The following RNH1 variants were observed in gnomAD, a reference collection of about 807,000 sequenced individuals.
The protein encoded by RNH1 is ribonuclease inhibitor.
In RNH1, 38 loss-of-function variants were observed where a neutral mutation model predicts 46.1. The ratio of observed to expected loss-of-function variants is 0.82; its 90% CI spans 0.64 to 1.08. RNH1 has a LOEUF of 1.08. RNH1 is among the 50% of genes least tolerant of loss of function. RNH1 has a pLI of 0.00. For missense variants in RNH1, 577 were observed against 590.7 expected (o/e 0.98, Z 0.24); for synonymous variants, 319 against 279.1 (o/e 1.14, Z -1.43).
intron 2 of RNH1, chr11:504,372 G>T: frequency 6.5e-6 from 1 of 153,076 alleles, no homozygotes; most frequent in South Asian, 1.9e-4. Context: ...AACACGAAGG[G>T]GGTCTCCCCT....
intron 9 of RNH1, among the ~76,000 whole-genome samples, chr11:497,368 C>CTT: frequency 6.9e-6 from 1 of 145,324 alleles, no homozygotes; most frequent in South Asian, 2.2e-4. Context: ...CATGCTCACT[C>CTT]ACCCATGTGC....
intron 4 of RNH1, 126 bp from the exon 5 acceptor site, chr11:500,125 C>T (rs926743133): frequency 6.7e-5 from 78 of 1,171,490 alleles, no homozygotes; most frequent in Non-Finnish European, 8.4e-5. Flanking sequence ...CTTCCCTGGA[C>T]GGGGCTCTGG....
chr11:501,675 A>G lies in RNH1; in HGVS notation c.101+387T>C, dbSNP rs1289106347. On this transcript the variant is annotated intron_variant, in intron 3 of 10. Transcript: ENST00000354420. This position sits in a 1 kb window ranked among gnomAD's most constrained non-coding sequence, Gnocchi z 4.1. ...AGCTGCTGGGTTTGTGAGGACCTCG[A>G]GGGCCGAGGACTCCCAGCCCCCAGC... 1.9e-5 allele frequency: 4 copies of G among 214,914 alleles called. No individual in the cohort carries two copies. Among genetic ancestry groups the G allele is most frequent in the African/African-American group, 9.1e-5 (4 of 43,960 alleles). 13.3% of individuals were successfully genotyped at this position (214,914 alleles called of 1,614,324 possible).
rs1235261026 is a variant in RNH1, at chr11:500,325, ACCGCCAGG to A, written c.272+151_272+158del. On this transcript the variant is annotated intron_variant, in intron 4 of 10. Transcript: ENST00000354420. ...AGGGCCCTGTCCCCCCCGCTGTGAG[ACCGCCAGG>A]CCTGTGTGCCTCTGGCTGATGTTGG... is the stretch of plus-strand genomic sequence containing the variant. 11 of 892,684 alleles carry A rather than the reference ACCGCCAGG, an allele frequency of 1.2e-5. No individual in the cohort carries two copies. In the African/African-American group the frequency reaches 1.8e-4, roughly 15 times the overall value. The allele number at this position is 892,684 out of a possible 1,614,324, so 55.3% of individuals were successfully genotyped here. A position where few individuals can be genotyped will look rare whatever the true frequency, so the allele number is the denominator to read the frequency against.
chr11:501,702 T>A lies in RNH1; in HGVS notation c.101+360A>T. 1 of 248,238 alleles carries A rather than the reference T, an allele frequency of 4.0e-6. No individual in the cohort carries two copies. The highest frequency in any genetic ancestry group is 7.9e-6 in the Non-Finnish European group (1 of 127,126). The allele number at this position is 248,238 out of a possible 1,614,324, so 15.4% of individuals were successfully genotyped here. A position where few individuals can be genotyped will look rare whatever the true frequency, so the allele number is the denominator to read the frequency against. On this transcript the variant is annotated intron_variant, in intron 3 of 10. Coordinates refer to ENST00000354420, the MANE Select transcript of RNH1 (RefSeq NM_203387.3). The surrounding 1 kb of genome is among the most constrained non-coding windows in gnomAD (Gnocchi z 4.1). ...GGCCGAGGACTCCCAGCCCCCAGCT[T>A]GGCAGGGACAAGCAGCGCCCCATGG...
At position 497,792 on chromosome 11, in the gene RNH1, C is replaced by T. The variant is rs375694619; in HGVS notation, c.1127+179G>A. Reference sequence around the variant, plus strand: ...ACACGTGCTCACTCTCACATGCTCACGGACACCCATGCTCACACTCATATG... The same window carrying T: ...ACACGTGCTCACTCTCACATGCTCATGGACACCCATGCTCACACTCATATG... On this transcript the variant is annotated intron_variant, in intron 9 of 10. Transcript: ENST00000354420. 7.2e-5 allele frequency among the ~76,000 whole-genome samples: 11 copies of T among 151,998 alleles called. No individual in the cohort carries two copies. The South Asian group carries it at 1.7e-3, about 23-fold the overall frequency.
At chr11:503,897 C>T (rs905814297) in intron 2 of RNH1, among the ~76,000 whole-genome samples, 1 of 152,190 alleles carries the variant, frequency 6.6e-6, no homozygotes, top group East Asian at 1.9e-4. Flanking sequence ...TCACGGATCC[C>T]ACTGAGGACC....
At chr11:499,542 C>T (rs767302616) in intron 5 of RNH1, 8 of 699,000 alleles carry the variant, frequency 1.1e-5, no homozygotes, top group Non-Finnish European at 1.3e-5. Flanking sequence ...ACCTGACTCA[C>T]GGCCAGGCAT....
In RNH1 at chr11:502,003, GC is replaced by G; in HGVS notation, c.101+58del. On this transcript the variant is annotated intron_variant, in intron 3 of 10. Coordinates refer to ENST00000354420, the MANE Select transcript of RNH1 (RefSeq NM_203387.3). This position sits in a 1 kb window ranked among gnomAD's most constrained non-coding sequence, Gnocchi z 5.8. ...CAGAGCAATGCACCCTTCAGAGGGA[GC>G]CGCCACCCGCCAGCCTGCCCCACCA... 1 of 1,211,486 alleles carries G rather than the reference GC, an allele frequency of 8.3e-7. No individual in the cohort carries two copies. Among genetic ancestry groups the G allele is most frequent in the South Asian group, 1.3e-5 (1 of 78,978 alleles). The allele number at this position is 1,211,486 out of a possible 1,614,324, so 75.0% of individuals were successfully genotyped here.
chr11:499,513 C>A lies in RNH1; in HGVS notation c.443+316G>T, dbSNP rs573436948. On this transcript the variant is annotated intron_variant, in intron 5 of 10. Coordinates refer to ENST00000354420, the MANE Select transcript of RNH1 (RefSeq NM_203387.3). ...TCACAATGGCCGGGTCCCCCACACACACTGAGGCGGTGAGTGGAACCTGAC... is the reference window on the plus strand; with the variant it reads ...TCACAATGGCCGGGTCCCCCACACAAACTGAGGCGGTGAGTGGAACCTGAC... The A allele has an allele frequency of 7.2e-6, 5 of 697,302 alleles. No homozygotes were observed. The South Asian group carries it at 7.5e-5, about 10-fold the overall frequency. The allele number at this position is 697,302 out of a possible 1,614,324, so 43.2% of individuals were successfully genotyped here. A position where few individuals can be genotyped will look rare whatever the true frequency, so the allele number is the denominator to read the frequency against.
intron 8 of RNH1, 88 bp from the exon 9 acceptor site, chr11:498,229 A>G: frequency 6.9e-7 from 1 of 1,443,494 alleles, no homozygotes; most frequent in Non-Finnish European, 9.3e-7. Flanking sequence ...CCCCACGTGG[A>G]CCTGAGCAAA....
intron 9 of RNH1, among the ~76,000 whole-genome samples, chr11:497,205 A>C (rs1451884458): frequency 8.9e-6 from 1 of 111,844 alleles, no homozygotes. Flanking sequence ...ACTCTCACCC[A>C]TGTGCTCACG....
At position 494,657 on chromosome 11, in the gene RNH1, C is replaced by T. The variant is rs774846933; in HGVS notation, c.*34G>A. 28 of 1,603,602 alleles carry T rather than the reference C, an allele frequency of 1.7e-5. No homozygotes were observed. The highest frequency in any genetic ancestry group is 5.0e-5 in the Admixed American group (3 of 59,578). ...GTGGGCCCCAGGGTTGCCTCGAGGC[C>T]GGTCGTCCAGGGAGAGCAGCAGCAG... On this transcript the variant is annotated 3_prime_UTR_variant, in exon 11 of 11. Coordinates refer to ENST00000354420, the MANE Select transcript of RNH1 (RefSeq NM_203387.3).
At chr11:499,788 G>C in intron 5 of RNH1, 41 bp downstream of exon 5, 1 of 1,581,916 alleles carries the variant, frequency 6.3e-7, no homozygotes, top group Non-Finnish European at 8.6e-7. Context: ...TGGGGGACAG[G>C]CAGCGGCCAG....
At chr11:496,102 A>AT (rs1473251415) in intron 9 of RNH1, among the ~76,000 whole-genome samples, 3 of 152,176 alleles carry the variant, frequency 2.0e-5, no homozygotes, top group Non-Finnish European at 4.4e-5. Flanking sequence ...AGGAGAGAGA[A>AT]AAAAATCACC....
rs867994740 is a variant in RNH1 at position 501,767 on chromosome 11, G to C, written c.101+295C>G. 17 of 447,142 alleles carry C rather than the reference G, an allele frequency of 3.8e-5. No homozygotes were observed. The highest frequency in any genetic ancestry group is 2.7e-4 in the African/African-American group (14 of 50,970). 27.7% of individuals were successfully genotyped at this position (447,142 alleles called of 1,614,324 possible). ...GACCCAAGCTGTGTCCTGCCCTCGT[G>C]TCTCCAAGGGAGGGAGAGGAGCTGA... On this transcript the variant is annotated intron_variant, in intron 3 of 10. Coordinates refer to ENST00000354420, the MANE Select transcript of RNH1 (RefSeq NM_203387.3). This position sits in a 1 kb window ranked among gnomAD's most constrained non-coding sequence, Gnocchi z 4.1.
rs137907843 is a variant in RNH1, at chr11:500,867, G to A, written c.102-213C>T. 6.3e-3 allele frequency: 4,269 copies of A among 679,262 alleles called. 26 individuals carry two copies. Among genetic ancestry groups the A allele is most frequent in the Admixed American group, 0.011 (517 of 48,378 alleles). 42.1% of individuals were successfully genotyped at this position (679,262 alleles called of 1,614,324 possible). On this transcript the variant is annotated intron_variant, in intron 3 of 10. Transcript: ENST00000354420. The stretch of plus-strand genomic sequence containing the variant: ...CACGTGGCCAGGCGCGGTGGCTCAC[G>A]CCTGTAATCCCAGCACTTTGGGAGG...
rs577864215 is a variant in RNH1, at chr11:499,889, G to C, written c.383C>G (p.Ala128Gly). ...LHLSDNLLGD[A>G]GLQLLCEGLL... Reference sequence around the variant, plus strand: ...TCCTTCGCAGAGCAGCTGCAGGCCCGCATCCCCCAAGAGGTTGTCGCTGAG... The same window carrying C: ...TCCTTCGCAGAGCAGCTGCAGGCCCCCATCCCCCAAGAGGTTGTCGCTGAG... The change falls in exon 5 of 11, where the codon GCG (alanine) becomes GGG (glycine). Residue 128 changes from alanine to glycine, a missense_variant. Coordinates refer to ENST00000354420, the MANE Select transcript of RNH1 (RefSeq NM_203387.3). 4 of 1,613,016 alleles carry C rather than the reference G, an allele frequency of 2.5e-6. No homozygotes were observed. The highest frequency in any genetic ancestry group is 1.7e-5 in the Admixed American group (1 of 59,980).
At chr11:505,239 T>A (rs1850160759) in intron 1 of RNH1, 1 of 152,242 alleles carries the variant, frequency 6.6e-6, no homozygotes, top group African/African-American at 2.4e-5. Flanking sequence ...ACATTTTAAC[T>A]ATTCTTATCG....
Sources: allele counts gnomAD v4.1 joint callset (sites outside exome capture counted in the v4.1 genomes callset), GRCh38; gene constraint gnomAD v4.1.1; non-coding constraint Gnocchi (gnomAD v3.1); transcripts MANE v1.5; gene names NCBI Gene and HGNC (gene_info 2026-07-23, HGNC 2026-07-21).